UNC13B: variants seen among roughly 807,000 people sequenced by gnomAD.
The protein encoded by UNC13B is unc-13 homolog B, also known as protein unc-13 homolog B.
UNC13B carries 144 observed loss-of-function variants against 211.0 expected under a neutral mutation model. That is an observed-to-expected ratio of 0.68 (90% CI 0.60 to 0.78). UNC13B has a LOEUF of 0.78. Among genes scored for constraint, UNC13B ranks in the 30% least tolerant of loss-of-function variants. UNC13B has a pLI of 0.00. For synonymous variants in UNC13B, 709 were observed against 725.8 expected (o/e 0.98, Z 0.37); for missense variants, 1,777 against 2,002.0 (o/e 0.89, Z 2.14).
At chr9:35,402,060 T>C in intron 37 of UNC13B, 1 of 1,523,886 alleles carries the variant, frequency 6.6e-7, no homozygotes, top group Non-Finnish European at 8.9e-7. Flanking sequence ...CACTGACCCC[T>C]GGGAGCTAGA....
chr9:35,335,157 C>A lies in UNC13B; in HGVS notation c.9414+21168C>A, dbSNP rs183496041. Among the ~76,000 whole-genome samples the A allele has an allele frequency of 1.7e-3, 260 of 152,280 alleles. 1 individual carries two copies. The highest frequency in any genetic ancestry group is 4.6e-3 in the African/African-American group (190 of 41,544). The stretch of plus-strand genomic sequence containing the variant: ...TTGCCACAGGACTTTAAGGAACAAG[C>A]CCTTTGGATTAGGGTGATCAGAGAA... On this transcript the variant is annotated intron_variant, in intron 11 of 39. Coordinates refer to ENST00000635942, the MANE Select transcript of UNC13B (RefSeq NM_001371189.2).
At chr9:35,222,613 A>G (rs1295202393) in intron 1 of UNC13B, among the ~76,000 whole-genome samples, 2 of 152,230 alleles carry the variant, frequency 1.3e-5, no homozygotes, top group African/African-American at 4.8e-5. Context: ...TATGAGGTAC[A>G]TGTGATATTT....
chr9:35,226,517 C>T (rs999919615), intron 1 of UNC13B, among the ~76,000 whole-genome samples: 4 of 152,202 alleles, frequency 2.6e-5, no homozygotes, highest in Non-Finnish European at 5.9e-5. Flanking sequence ...GAAGCCAGTC[C>T]GAGTCCCAAA....
intron 1 of UNC13B, among the ~76,000 whole-genome samples, chr9:35,190,928 TTA>T (rs1822622694): frequency 6.6e-6 from 1 of 152,192 alleles, no homozygotes; most frequent in Non-Finnish European, 1.5e-5. Flanking sequence ...CTTAATTAGT[TTA>T]TGACTTAACC....
At chr9:35,381,324 A>G (rs1288027013) in intron 19 of UNC13B, 109 bp downstream of exon 19, 2 of 1,064,598 alleles carry the variant, frequency 1.9e-6, no homozygotes, top group African/African-American at 1.6e-5. Flanking sequence ...TTTAAATTTT[A>G]TCCTTGATTC....
intron 1 of UNC13B, among the ~76,000 whole-genome samples, chr9:35,220,818 T>C (rs1462999657): frequency 3.3e-5 from 5 of 152,192 alleles, no homozygotes; most frequent in East Asian, 3.8e-4. Context: ...ATTTTTAGTC[T>C]TTTGAGAAAC....
intron 11 of UNC13B, among the ~76,000 whole-genome samples, chr9:35,365,168 G>A (rs1306409243): frequency 6.6e-6 from 1 of 152,212 alleles, no homozygotes; most frequent in African/African-American, 2.4e-5. Context: ...CCCTGTGCTT[G>A]CAAGCACTGG....
In UNC13B at chr9:35,385,786, G is replaced by T; in HGVS notation, c.10938G>T (p.Leu3646=). The T allele has an allele frequency of 6.2e-7, 1 of 1,609,548 alleles. No homozygotes were observed. The highest frequency in any genetic ancestry group is 1.1e-5 in the South Asian group (1 of 90,866). The change falls in exon 23 of 40, where the codon CTG becomes CTT. Residue 3646 remains leucine, a synonymous_variant. Coordinates refer to ENST00000635942, the MANE Select transcript of UNC13B (RefSeq NM_001371189.2). Reference sequence around the variant, plus strand: ...ACTTAAAATCCACAGTGGATTTGCTGACCAGCATTACTTTCTTCAGAATGA... The same window carrying T: ...ACTTAAAATCCACAGTGGATTTGCTTACCAGCATTACTTTCTTCAGAATGA... ...LQDLKSTVDL[L]TSITFFRMKV...
chr9:35,329,024 G>C lies in UNC13B; in HGVS notation c.9414+15035G>C, dbSNP rs777908432. 2.0e-5 allele frequency among the ~76,000 whole-genome samples: 3 copies of C among 151,852 alleles called. No individual in the cohort carries two copies. The East Asian group carries it at 5.9e-4, about 30-fold the overall frequency. On this transcript the variant is annotated intron_variant, in intron 11 of 39. Coordinates refer to ENST00000635942, the MANE Select transcript of UNC13B (RefSeq NM_001371189.2). ...CTGACCTTGTGATCCGCCCACCTCG[G>C]CCTCCCAAAGTGCTGGGATTACATG...
At chr9:35,243,270 T>A in intron 5 of UNC13B, 21 bp from the exon 6 acceptor site, 1 of 1,611,154 alleles carries the variant, frequency 6.2e-7, no homozygotes, top group Non-Finnish European at 8.5e-7. Context: ...TCTTTTCTTT[T>A]TCTTCTTTTT....
chr9:35,299,179 C>T (rs1269092425), intron 8 of UNC13B, among the ~76,000 whole-genome samples: 1 of 152,100 alleles, frequency 6.6e-6, no homozygotes, highest in East Asian at 1.9e-4. Flanking sequence ...TTGCAATGAG[C>T]TGAGAATGTG....
At chr9:35,182,077 C>T (rs1821967477) in intron 1 of UNC13B, among the ~76,000 whole-genome samples, 1 of 152,108 alleles carries the variant, frequency 6.6e-6, no homozygotes, top group East Asian at 1.9e-4. Context: ...GGATTACCAG[C>T]CCTACTGGAC....
chr9:35,380,760 C>G lies in UNC13B; in HGVS notation c.10375+121C>G, dbSNP rs993853369. The G allele has an allele frequency of 4.7e-5, 62 of 1,320,000 alleles. 1 individual carries two copies. In the African/African-American group the frequency reaches 8.2e-4, roughly 17 times the overall value. The allele number at this position is 1,320,000 out of a possible 1,614,324, so 81.8% of individuals were successfully genotyped here. ...GCATACCTCTATACAGAGCCTGTCT[C>G]ACCTGCAAAGAACTGACTGTGGGGA... On this transcript the variant is annotated intron_variant, in intron 18 of 39. Transcript: ENST00000635942.
In UNC13B at chr9:35,400,370, C is replaced by T; in HGVS notation, c.12411C>T (p.Arg4137=). 1 of 1,614,194 alleles carries T rather than the reference C, an allele frequency of 6.2e-7. No individual in the cohort carries two copies. Among genetic ancestry groups the T allele is most frequent in the Non-Finnish European group, 8.5e-7 (1 of 1,180,022 alleles). The change falls in exon 37 of 40, where the codon CGC becomes CGT. Residue 4137 remains arginine, a synonymous_variant. Transcript: ENST00000635942. ...AGAGCCCAGATCTGCAGTCTCTACG[C>T]TATGCCCTGTCTCTGTACACACAGA... The part of the protein sequence containing the change: ...LEKSPDLQSL[R]YALSLYTQTT...
At chr9:35,279,823 T>A (rs1828385093) in intron 7 of UNC13B, among the ~76,000 whole-genome samples, 1 of 152,176 alleles carries the variant, frequency 6.6e-6, no homozygotes, top group Non-Finnish European at 1.5e-5. Context: ...TTTCCTTAGC[T>A]TTTAGGAATA....
At chr9:35,252,615 T>C (rs929973724) in intron 6 of UNC13B, among the ~76,000 whole-genome samples, 3 of 151,880 alleles carry the variant, frequency 2.0e-5, no homozygotes, top group Non-Finnish European at 2.9e-5. Context: ...TCTGATAGTC[T>C]AATTATATTA....
At chr9:35,178,558 CAT>C (rs1821764239) in intron 1 of UNC13B, among the ~76,000 whole-genome samples, 1 of 151,446 alleles carries the variant, frequency 6.6e-6, no homozygotes, top group Non-Finnish European at 1.5e-5. Flanking sequence ...TGCTCTATGA[CAT>C]GTCATTGATT....
chr9:35,183,165 G>C (rs1228981717), intron 1 of UNC13B, among the ~76,000 whole-genome samples: 15 of 141,486 alleles, frequency 1.1e-4, no homozygotes, highest in African/African-American at 4.0e-4. Context: ...CTCCCAGATG[G>C]GGCGGCCGGG....
chr9:35,219,532 G>A (rs1824453501), intron 1 of UNC13B, among the ~76,000 whole-genome samples: 1 of 150,940 alleles, frequency 6.6e-6, no homozygotes, highest in African/African-American at 2.4e-5. Context: ...CAGGAGGATT[G>A]CTTGAACCCT....
Sources: allele counts gnomAD v4.1 joint callset (sites outside exome capture counted in the v4.1 genomes callset), GRCh38; gene constraint gnomAD v4.1.1; transcripts MANE v1.5; gene names NCBI Gene and HGNC (gene_info 2026-07-23, HGNC 2026-07-21).